The following KCNQ2 variants were observed in gnomAD, a reference collection of about 807,000 sequenced individuals.
The protein encoded by KCNQ2 is potassium voltage-gated channel subfamily KQT member 2.
Under a neutral mutation model 84.8 loss-of-function variants are expected in KCNQ2, and 14 were observed. The ratio of observed to expected loss-of-function variants is 0.17; its 90% CI spans 0.11 to 0.26. The LOEUF is 0.26. Among genes scored for constraint, KCNQ2 ranks in the 10% least tolerant of loss-of-function variants. The pLI is 1.00. For synonymous variants in KCNQ2, 599 were observed against 554.1 expected, an observed-to-expected ratio of 1.08 and a Z score of -1.14; for missense variants, 788 against 1,254.0, an observed-to-expected ratio of 0.63 and a Z score of 5.61.
intron 15 of KCNQ2, chr20:63,411,010 AAAG>A: frequency 4.4e-6 from 2 of 456,372 alleles, no homozygotes; most frequent in Non-Finnish European, 8.8e-6. Context: ...GTTAATCACT[AAAG>A]AACTGGCTTC....
chr20:63,424,369 G>T, intron 10 of KCNQ2, 163 bp from the exon 11 acceptor site: 1 of 781,208 alleles, frequency 1.3e-6, no homozygotes, highest in East Asian at 2.7e-5. Context: ...ACCCCAGAGA[G>T]CCCACGGCCC....
rs181631832 is a variant in KCNQ2 at position 63,409,070 on chromosome 20, G to A, written c.1764-534C>T. 5.8e-3 allele frequency among the ~76,000 whole-genome samples: 882 copies of A among 152,326 alleles called. 7 individuals carry two copies. Among genetic ancestry groups the A allele is most frequent in the African/African-American group, 0.019 (809 of 41,568 alleles). ...GGGGACGGAGTTAAATGTCTGCGGC[G>A]GGGACAACAGAAGCAGAAAAGGCGT... On this transcript the variant is annotated intron_variant, in intron 15 of 16. Transcript: ENST00000359125.
chr20:63,472,148 G>A lies in KCNQ2; in HGVS notation c.296+20C>T. ...GGGGTCGCCATGGGGGTCGCCACGG[G>A]GGCCCCGCCGGCCACTCACACGTAG... is the stretch of plus-strand genomic sequence containing the variant. On this transcript the variant is annotated intron_variant, in intron 1 of 16. Coordinates refer to ENST00000359125, the MANE Select transcript of KCNQ2 (RefSeq NM_172107.4). 6.8e-7 allele frequency: 1 copy of A among 1,478,266 alleles called. No individual in the cohort carries two copies. The highest frequency in any genetic ancestry group is 9.0e-7 in the Non-Finnish European group (1 of 1,111,360). 91.6% of individuals were successfully genotyped at this position (1,478,266 alleles called of 1,614,324 possible).
intron 2 of KCNQ2, 29 bp from the exon 3 acceptor site, chr20:63,445,393 T>C: frequency 6.2e-7 from 1 of 1,611,556 alleles, no homozygotes; most frequent in East Asian, 2.2e-5. Flanking sequence ...GAGGCCACCT[T>C]GAGGCCTGGG....
chr20:63,446,134 G>T lies in KCNQ2; in HGVS notation c.387+613C>A. The T allele has an allele frequency of 3.4e-6, 1 of 296,234 alleles. No individual in the cohort carries two copies. Among genetic ancestry groups the T allele is most frequent in the Non-Finnish European group, 6.5e-6 (1 of 153,978 alleles). 18.4% of individuals were successfully genotyped at this position (296,234 alleles called of 1,614,324 possible). A position where few individuals can be genotyped will look rare whatever the true frequency, so the allele number is the denominator to read the frequency against. On this transcript the variant is annotated intron_variant, in intron 2 of 16. Coordinates refer to ENST00000359125, the MANE Select transcript of KCNQ2 (RefSeq NM_172107.4). This position sits in a 1 kb window ranked among gnomAD's most constrained non-coding sequence, Gnocchi z 5.5. ...GTGGGGGACCTGCCTTGAGTTGGGG[G>T]GTGCACAGCAGGGCTGAGCTGAGGG...
At chr20:63,461,255 C>A (rs1600849351) in intron 1 of KCNQ2, among the ~76,000 whole-genome samples, 1 of 152,336 alleles carries the variant, frequency 6.6e-6, no homozygotes, top group East Asian at 1.9e-4. Context: ...GCCCCCCCAA[C>A]TTTCTTCACG....
intron 1 of KCNQ2, among the ~76,000 whole-genome samples, chr20:63,466,202 C>CATCTCCGCGGCCGGT (rs1456510124): frequency 6.6e-6 from 1 of 152,166 alleles, no homozygotes; most frequent in Non-Finnish European, 1.5e-5. Context: ...GAACAGCCGG[C>CATCTCCGCGGCCGGT]ATCTCCGCGG....
chr20:63,411,091 T>C, intron 15 of KCNQ2: 8 of 437,956 alleles, frequency 1.8e-5, no homozygotes, highest in South Asian at 1.3e-4. Flanking sequence ...GCCAGCTCCC[T>C]TATCAAAAAC....
intron 1 of KCNQ2, chr20:63,471,594 T>A (rs1213518523): frequency 6.6e-6 from 1 of 151,546 alleles, no homozygotes; most frequent in African/African-American, 2.4e-5. Context: ...GGGAGGGGCG[T>A]CGGCGCCGAG....
At chr20:63,458,073 G>A (rs958092895) in intron 1 of KCNQ2, among the ~76,000 whole-genome samples, 6 of 151,956 alleles carry the variant, frequency 3.9e-5, no homozygotes, top group Non-Finnish European at 5.9e-5. Context: ...GCCCCATGCA[G>A]AGGTCCTGGC....
chr20:63,454,858 G>A (rs1015433852), intron 1 of KCNQ2, among the ~76,000 whole-genome samples: 9 of 152,226 alleles, frequency 5.9e-5, no homozygotes, highest in Admixed American at 4.6e-4. Context: ...GCGTCCAAAT[G>A]TGGGACACTC....
In KCNQ2 at chr20:63,460,549, C is replaced by A. The variant is rs1021627475; in HGVS notation, c.296+11619G>T. ...CACAGCTCCAGTCCCTGGCCCCCTA[C>A]AAACGTCCTAGTGAGTGCTCTCTCT... On this transcript the variant is annotated intron_variant, in intron 1 of 16. Coordinates refer to ENST00000359125, the MANE Select transcript of KCNQ2 (RefSeq NM_172107.4). The surrounding 1 kb of genome is among the most constrained non-coding windows in gnomAD (Gnocchi z 5.4). Among the ~76,000 whole-genome samples, 2 of 152,054 alleles carry A rather than the reference C, an allele frequency of 1.3e-5. No homozygotes were observed. Among genetic ancestry groups the A allele is most frequent in the African/African-American group, 2.4e-5 (1 of 41,392 alleles).
chr20:63,465,656 C>T lies in KCNQ2; in HGVS notation c.296+6512G>A, dbSNP rs578124460. On this transcript the variant is annotated intron_variant, in intron 1 of 16. Transcript: ENST00000359125. ...ACAAGCTCAGATCTGCAGGCCCCTC[C>T]TCCTTCGACCTTGCATCTGTTAGGC... 3.0e-4 allele frequency among the ~76,000 whole-genome samples: 45 copies of T among 152,366 alleles called. No individual in the cohort carries two copies. The South Asian group carries it at 8.7e-3, about 29-fold the overall frequency.
At chr20:63,451,801 T>A (rs2081623313) in intron 1 of KCNQ2, among the ~76,000 whole-genome samples, 1 of 152,092 alleles carries the variant, frequency 6.6e-6, no homozygotes, top group Non-Finnish European at 1.5e-5. Flanking sequence ...GACCCCCAAG[T>A]CCAGGCAGCC....
Position 63,414,910 on chromosome 20 carries a change from G to A in KCNQ2, c.1518C>T (p.Asn506=). Reference sequence around the variant, plus strand: ...GGATGCGGCCACACCCACCTTCTGAGTTCTGCCGTGACGCGGCACCCTTGA... The same window carrying A: ...GGATGCGGCCACACCCACCTTCTGAATTCTGCCGTGACGCGGCACCCTTGA... The part of the protein sequence containing the change: ...FRIKGAASRQ[N]SEEASLPGED... Residue 506 remains asparagine, a synonymous_variant, in exon 13 of 17, where the codon AAC becomes AAT. Transcript: ENST00000359125. This position sits in a 1 kb window ranked among gnomAD's most constrained non-coding sequence, Gnocchi z 6.6. 9 of 1,612,522 alleles carry A rather than the reference G, an allele frequency of 5.6e-6. No homozygotes were observed. The highest frequency in any genetic ancestry group is 7.6e-6 in the Non-Finnish European group (9 of 1,179,922).
chr20:63,459,659 G>A (rs893360825), intron 1 of KCNQ2, among the ~76,000 whole-genome samples: 2 of 152,158 alleles, frequency 1.3e-5, no homozygotes, highest in Admixed American at 6.5e-5. Context: ...GGCTGGTGGC[G>A]GCAGACCATC....
chr20:63,471,940 C>A (rs1432070568), intron 1 of KCNQ2, among the ~76,000 whole-genome samples: 1 of 152,156 alleles, frequency 6.6e-6, no homozygotes, highest in Non-Finnish European at 1.5e-5. Context: ...GGGCCTGGAG[C>A]CCCCACCCCG....
At chr20:63,441,382 G>T (rs921224200) in intron 5 of KCNQ2, among the ~76,000 whole-genome samples, 6 of 152,072 alleles carry the variant, frequency 3.9e-5, no homozygotes, top group African/African-American at 1.4e-4. Context: ...AGAAGCAGCC[G>T]CATCCGCTGC....
At chr20:63,415,214 A>G in intron 12 of KCNQ2, 88 bp from the exon 13 acceptor site, 3 of 1,223,746 alleles carry the variant, frequency 2.5e-6, no homozygotes, top group Non-Finnish European at 3.5e-6. Context: ...CTCATGGCCG[A>G]CGCCGCCCAT....
Sources: allele counts gnomAD v4.1 joint callset (sites outside exome capture counted in the v4.1 genomes callset), GRCh38; gene constraint gnomAD v4.1.1; non-coding constraint Gnocchi (gnomAD v3.1); transcripts MANE v1.5; gene names NCBI Gene and HGNC (gene_info 2026-07-23, HGNC 2026-07-21).